Variants in PTPRD observed in about 807,000 individuals in gnomAD.
PTPRD encodes the protein receptor-type tyrosine-protein phosphatase delta.
Under a neutral mutation model 214.5 loss-of-function variants are expected in PTPRD, and 34 were observed. That is an observed-to-expected ratio of 0.16 (90% CI 0.12 to 0.21). The LOEUF is 0.21. PTPRD is among the 10% of genes least tolerant of loss of function. PTPRD has a pLI of 1.00. For missense variants in PTPRD, 2,545 were observed against 2,398.7 expected (o/e 1.06, Z -1.27); for synonymous variants, 1,128 against 845.7 (o/e 1.33, Z -5.79).
chr9:8,597,716 A>C (rs1234798173), intron 14 of PTPRD, among the ~76,000 whole-genome samples: 1 of 152,112 alleles, frequency 6.6e-6, no homozygotes, highest in Non-Finnish European at 1.5e-5. Flanking sequence ...TATGGCCCTG[A>C]ACACTGTGAG....
chr9:9,351,447 G>C (rs552306910), intron 9 of PTPRD, among the ~76,000 whole-genome samples: 1 of 152,102 alleles, frequency 6.6e-6, no homozygotes, highest in South Asian at 2.1e-4. Flanking sequence ...ATAATTCTAT[G>C]CATTAGATGT....
intron 11 of PTPRD, among the ~76,000 whole-genome samples, chr9:8,858,826 CACATACACACACACAG>C (rs1480910044): frequency 7.3e-6 from 1 of 136,356 alleles, no homozygotes; most frequent in African/African-American, 2.8e-5. Flanking sequence ...CACACACACA[CACATACACACACACAG>C]ACACACAGAC....
chr9:10,034,477 G>A (rs925841255), intron 3 of PTPRD, among the ~76,000 whole-genome samples: 27 of 148,732 alleles, frequency 1.8e-4, no homozygotes, highest in Admixed American at 7.6e-4. Context: ...TGTTACATAG[G>A]GAAACGTGTC....
intron 10 of PTPRD, among the ~76,000 whole-genome samples, chr9:9,096,354 T>C (rs1209947718): frequency 1.3e-5 from 2 of 152,152 alleles, no homozygotes; most frequent in Admixed American, 1.3e-4. Flanking sequence ...GCAATACAAT[T>C]TATCAAAGCA....
At chr9:9,188,781 G>C (rs1303742770) in intron 9 of PTPRD, among the ~76,000 whole-genome samples, 3 of 150,938 alleles carry the variant, frequency 2.0e-5, no homozygotes, top group Admixed American at 6.7e-5. Context: ...ACGTCAACCT[G>C]GTCACAGAAT....
chr9:8,955,964 G>T (rs1323837507), intron 11 of PTPRD, among the ~76,000 whole-genome samples: 1 of 151,650 alleles, frequency 6.6e-6, no homozygotes, highest in Non-Finnish European at 1.5e-5. Flanking sequence ...ATACCCATTT[G>T]CTGAGTCCAA....
At chr9:9,472,863 C>T (rs774177130) in intron 8 of PTPRD, among the ~76,000 whole-genome samples, 1 of 152,060 alleles carries the variant, frequency 6.6e-6, no homozygotes. Flanking sequence ...ATATTAATTG[C>T]ACAGATTTAA....
intron 43 of PTPRD, among the ~76,000 whole-genome samples, chr9:8,333,386 T>C (rs1843361113): frequency 6.6e-6 from 1 of 152,120 alleles, no homozygotes; most frequent in Non-Finnish European, 1.5e-5. Context: ...ACTGCCTGAC[T>C]TCATTTAAAG....
chr9:10,157,214 G>C (rs2099099136), intron 3 of PTPRD, among the ~76,000 whole-genome samples: 1 of 152,052 alleles, frequency 6.6e-6, no homozygotes, highest in Admixed American at 6.6e-5. Context: ...TTTGGGGGTT[G>C]CTTTTTATAG....
At chr9:8,575,704 T>A (rs1329811924) in intron 14 of PTPRD, among the ~76,000 whole-genome samples, 3 of 152,130 alleles carry the variant, frequency 2.0e-5, no homozygotes, top group South Asian at 2.1e-4. Flanking sequence ...TCAAGAATAA[T>A]TCAGAAAGGA....
At chr9:10,172,711 T>C (rs529790628) in intron 3 of PTPRD, among the ~76,000 whole-genome samples, 2 of 152,330 alleles carry the variant, frequency 1.3e-5, no homozygotes, top group East Asian at 3.9e-4. Context: ...AGAAAGTTTA[T>C]AATACAGAGA....
rs528702623 is a variant in PTPRD, at chr9:8,357,149, A to G, written c.4662-15171T>C. On this transcript the variant is annotated intron_variant, in intron 39 of 45. Transcript: ENST00000381196. Reference sequence around the variant, plus strand: ...CATGAGGAACCCAGCATGCTGTGGGATCACACTGCAATGCCAACAATTCTT... The same window carrying G: ...CATGAGGAACCCAGCATGCTGTGGGGTCACACTGCAATGCCAACAATTCTT... Among the ~76,000 whole-genome samples the G allele has an allele frequency of 9.2e-5, 14 of 152,298 alleles. No individual in the cohort carries two copies. The East Asian group carries it at 2.5e-3, about 27-fold the overall frequency.
intron 10 of PTPRD, among the ~76,000 whole-genome samples, chr9:9,141,677 A>G (rs1200362614): frequency 6.6e-6 from 1 of 151,074 alleles, no homozygotes; most frequent in Non-Finnish European, 1.5e-5. Flanking sequence ...AAAAAATCTG[A>G]TATAAATATA....
At chr9:10,526,363 A>G (rs12555620) in intron 2 of PTPRD, among the ~76,000 whole-genome samples, 29,652 of 152,076 alleles carry the variant, frequency 0.19, 3,009 homozygotes, top group Admixed American at 0.28. Flanking sequence ...ATCATTGAAC[A>G]CATTTTTAAG....
chr9:10,325,591 C>G (rs1370381874), intron 3 of PTPRD, among the ~76,000 whole-genome samples: 2 of 151,758 alleles, frequency 1.3e-5, no homozygotes, highest in Non-Finnish European at 2.9e-5. Flanking sequence ...TTTTTTCATA[C>G]TTTAAAAGCT....
intron 11 of PTPRD, among the ~76,000 whole-genome samples, chr9:8,987,918 G>A (rs972374547): frequency 6.6e-6 from 1 of 152,068 alleles, no homozygotes; most frequent in African/African-American, 2.4e-5. Flanking sequence ...CTATAAGGCT[G>A]AATGACCCTT....
chr9:9,129,308 G>A (rs1043620166), intron 10 of PTPRD, among the ~76,000 whole-genome samples: 1 of 152,028 alleles, frequency 6.6e-6, no homozygotes, highest in Non-Finnish European at 1.5e-5. Context: ...GAGAATCACT[G>A]GAACCCAGGA....
At chr9:9,873,107 C>T (rs1174980984) in intron 5 of PTPRD, among the ~76,000 whole-genome samples, 1 of 152,092 alleles carries the variant, frequency 6.6e-6, no homozygotes, top group Non-Finnish European at 1.5e-5. Flanking sequence ...ATGAAGTCAG[C>T]ACATTTCACT....
chr9:8,853,762 A>G (rs2097861422), intron 11 of PTPRD, among the ~76,000 whole-genome samples: 11 of 152,214 alleles, frequency 7.2e-5, no homozygotes, highest in Admixed American at 7.2e-4. Context: ...CAAATCACTG[A>G]TAATATAAAA....
Sources: gnomAD v4.1 joint callset for allele counts (sites outside exome capture counted in the v4.1 genomes callset) on GRCh38, gnomAD v4.1.1 for gene constraint, MANE v1.5 for transcripts, NCBI Gene and HGNC (gene_info 2026-07-23, HGNC 2026-07-21) for gene names.